The following LRRC7 variants were observed in gnomAD, a reference collection of about 807,000 sequenced individuals.
LRRC7 encodes the protein leucine-rich repeat-containing protein 7.
In LRRC7, 23 loss-of-function variants were observed where a neutral mutation model predicts 175.7. The ratio of observed to expected loss-of-function variants is 0.13; its 90% CI spans 0.09 to 0.19. The LOEUF is 0.19. LRRC7 is among the 10% of genes least tolerant of loss of function. The pLI, the probability that LRRC7 is intolerant of heterozygous loss-of-function variation, is 1.00. For missense variants in LRRC7, 1,354 were observed against 1,904.7 expected, an observed-to-expected ratio of 0.71 and a Z score of 5.38; for synonymous variants, 685 against 680.9, an observed-to-expected ratio of 1.01 and a Z score of -0.09.
rs148273985 is a variant in LRRC7 at position 70,040,431 on chromosome 1, C to T, written c.3969+638C>T. 3.0e-3 allele frequency among the ~76,000 whole-genome samples: 462 copies of T among 152,164 alleles called. 1 individual carries two copies. Among genetic ancestry groups the T allele is most frequent in the African/African-American group, 0.01 (417 of 41,516 alleles). On this transcript the variant is annotated intron_variant, in intron 21 of 26. Coordinates refer to ENST00000651989, the MANE Select transcript of LRRC7 (RefSeq NM_001370785.2). ...ATTTAAATTCAGATTATACTACAGA[C>T]AACAAAAATAGTTGATGTCTTTATG...
chr1:70,106,618 TA>T (rs1476614445), intron 25 of LRRC7, among the ~76,000 whole-genome samples: 1 of 152,204 alleles, frequency 6.6e-6, no homozygotes, highest in African/African-American at 2.4e-5. Flanking sequence ...CTGAAATTAG[TA>T]AGAAGGTTTA....
At chr1:69,986,144 GC>G (rs1254593130) in intron 9 of LRRC7, 97 bp from the exon 10 acceptor site, 1 of 1,065,506 alleles carries the variant, frequency 9.4e-7, no homozygotes, top group Admixed American at 2.6e-5. Flanking sequence ...TGTTGTGGTT[GC>G]TTTTAAAATA....
intron 2 of LRRC7, among the ~76,000 whole-genome samples, chr1:69,758,863 T>C (rs1670725152): frequency 6.6e-6 from 1 of 152,090 alleles, no homozygotes; most frequent in Non-Finnish European, 1.5e-5. Context: ...TTTTTATAAA[T>C]GTTACTAATT....
chr1:70,013,194 CG>C (rs1210468509), intron 13 of LRRC7, 105 bp downstream of exon 13: 7 of 559,086 alleles, frequency 1.3e-5, no homozygotes, highest in Admixed American at 2.9e-5. Flanking sequence ...TCGACATATA[CG>C]GAATGCAAAT....
intron 2 of LRRC7, among the ~76,000 whole-genome samples, chr1:69,686,007 G>A (rs1304502405): frequency 6.6e-6 from 1 of 151,312 alleles, no homozygotes; most frequent in Non-Finnish European, 1.5e-5. Flanking sequence ...TACATATAAA[G>A]GAACAGAAAT....
chr1:69,694,679 G>A (rs1354208515), intron 2 of LRRC7, among the ~76,000 whole-genome samples: 1 of 152,138 alleles, frequency 6.6e-6, no homozygotes, highest in African/African-American at 2.4e-5. Flanking sequence ...ATGATAAAAA[G>A]TGAGTTCTTG....
intron 3 of LRRC7, among the ~76,000 whole-genome samples, chr1:69,778,163 T>C (rs779661602): frequency 3.3e-5 from 5 of 152,204 alleles, no homozygotes; most frequent in Non-Finnish European, 5.9e-5. Flanking sequence ...ACAGCCTTCA[T>C]TATTCACTCC....
intron 23 of LRRC7, among the ~76,000 whole-genome samples, chr1:70,058,196 G>C (rs2102075420): frequency 6.6e-6 from 1 of 152,152 alleles, no homozygotes; most frequent in South Asian, 2.1e-4. Flanking sequence ...TTTTAGTAGA[G>C]ACAGGATTTT....
intron 22 of LRRC7, among the ~76,000 whole-genome samples, chr1:70,048,725 T>C (rs1281433260): frequency 6.6e-6 from 1 of 152,154 alleles, no homozygotes; most frequent in Admixed American, 6.6e-5. Context: ...TAGTGCTTTC[T>C]TAGTTAGCTG....
intron 4 of LRRC7, among the ~76,000 whole-genome samples, chr1:69,807,927 G>C (rs1441287677): frequency 6.6e-6 from 1 of 151,924 alleles, no homozygotes; most frequent in Non-Finnish European, 1.5e-5. Context: ...GTAACTTTCA[G>C]GTACACCAAT....
intron 1 of LRRC7, among the ~76,000 whole-genome samples, chr1:69,601,749 C>T (rs1046847729): frequency 6.6e-6 from 1 of 151,980 alleles, no homozygotes; most frequent in African/African-American, 2.4e-5. Context: ...GGCTACTGAC[C>T]TCTTTTATAC....
At chr1:69,818,121 C>T (rs1001539629) in intron 4 of LRRC7, among the ~76,000 whole-genome samples, 2 of 151,994 alleles carry the variant, frequency 1.3e-5, no homozygotes, top group African/African-American at 4.8e-5. Context: ...TCTTGCCTAA[C>T]CCTCTGGTTA....
chr1:69,874,774 A>G (rs1469819128), intron 7 of LRRC7: 1 of 152,066 alleles, frequency 6.6e-6, no homozygotes, highest in Non-Finnish European at 1.5e-5. Flanking sequence ...GATATCTGAA[A>G]GTAGATGTTG....
intron 8 of LRRC7, among the ~76,000 whole-genome samples, chr1:69,957,324 C>A (rs1475477194): frequency 6.6e-6 from 1 of 151,736 alleles, no homozygotes; most frequent in Non-Finnish European, 1.5e-5. Flanking sequence ...GAAAGACTTA[C>A]AATTTTTTTA....
intron 1 of LRRC7, among the ~76,000 whole-genome samples, chr1:69,637,557 G>A (rs1242549635): frequency 2.6e-5 from 4 of 151,800 alleles, no homozygotes; most frequent in Admixed American, 2.6e-4. Context: ...CTAAAATTTT[G>A]GAAAATTGAC....
chr1:69,958,626 A>G (rs1425816809), intron 8 of LRRC7, among the ~76,000 whole-genome samples: 4 of 152,060 alleles, frequency 2.6e-5, no homozygotes, highest in Non-Finnish European at 2.9e-5. Flanking sequence ...TCCTGTAAAG[A>G]CAAGAAGAGA....
chr1:69,647,909 T>C (rs904387127), intron 1 of LRRC7, among the ~76,000 whole-genome samples: 12 of 152,166 alleles, frequency 7.9e-5, no homozygotes, highest in Non-Finnish European at 1.3e-4. Flanking sequence ...GCTAGATACA[T>C]TCCAGATCAA....
At chr1:70,072,921 G>A (rs1258708722) in intron 23 of LRRC7, among the ~76,000 whole-genome samples, 4 of 152,074 alleles carry the variant, frequency 2.6e-5, no homozygotes, top group Non-Finnish European at 5.9e-5. Flanking sequence ...TCAATTCATG[G>A]TTCAACTAAT....
chr1:69,775,501 C>T (rs1037450178), intron 3 of LRRC7, among the ~76,000 whole-genome samples: 2 of 152,204 alleles, frequency 1.3e-5, no homozygotes, highest in Admixed American at 1.3e-4. Context: ...TGACCAGGCA[C>T]TCTTAGAAAG....
Sources: gnomAD v4.1 joint callset for allele counts (sites outside exome capture counted in the v4.1 genomes callset) on GRCh38, gnomAD v4.1.1 for gene constraint, MANE v1.5 for transcripts, NCBI Gene and HGNC (gene_info 2026-07-23, HGNC 2026-07-21) for gene names.